Variants in PRAMEF17 observed in about 807,000 individuals in gnomAD.
PRAMEF17 encodes PRAME family member 17.
Under a neutral mutation model 36.8 loss-of-function variants are expected in PRAMEF17, and 48 were observed. The ratio of observed to expected loss-of-function variants is 1.30; its 90% CI spans 1.03 to 1.66. The LOEUF is 1.66. Among genes scored for constraint, PRAMEF17 ranks in the 40% most tolerant of loss-of-function variants. PRAMEF17 has a pLI of 0.00. For synonymous variants in PRAMEF17, 246 were observed against 220.4 expected (o/e 1.12, Z -1.03); for missense variants, 639 against 560.6 (o/e 1.14, Z -1.41).
chr1:13,389,693 G>A lies in PRAMEF17; in HGVS notation c.36G>A (p.Leu12=). The change falls in exon 1 of 3, where the codon CTG becomes CTA. Residue 12 remains leucine (L), a synonymous_variant. Coordinates refer to ENST00000376098, the MANE Select transcript of PRAMEF17 (RefSeq NM_001099851.3). Reference sequence around the variant, plus strand: ...AGTCCCCATCCAGACTCCTGGAGCTGGCAGGCCAGAGCCTGCTGAGGAACC... The same window carrying A: ...AGTCCCCATCCAGACTCCTGGAGCTAGCAGGCCAGAGCCTGCTGAGGAACC... ...SLQSPSRLLE[L]AGQSLLRNQF... is the part of the protein sequence containing the mutation. The A allele has an allele frequency of 1.9e-6, 3 of 1,612,058 alleles. No individual in the cohort carries two copies. The highest frequency in any genetic ancestry group is 2.5e-6 in the Non-Finnish European group (3 of 1,179,876).
At chr1:13,390,275 G>A in intron 1 of PRAMEF17, 66 bp from the exon 2 acceptor site, 1 of 1,608,506 alleles carries the variant, frequency 6.2e-7, no homozygotes, top group Admixed American at 1.7e-5. Context: ...TGGATGTTGA[G>A]TGAAAGCTCA....
Position 13,390,664 on chromosome 1 carries a change from C to G in PRAMEF17, c.611C>G (p.Pro204Arg). ...SFRNLLKRVYPDSIQELEIKR... is the reference protein window; with the variant it reads ...SFRNLLKRVYRDSIQELEIKR... ...AGAAATTTATTGAAAAGGGTATACC[C>G]AGACAGTATCCAGGAGTTGGAAATT... Residue 204 changes from proline to arginine, a missense_variant, in exon 2 of 3, where the codon CCA becomes CGA. By Grantham distance (103) the Pro-to-Arg change is moderately radical. Coordinates refer to ENST00000376098, the MANE Select transcript of PRAMEF17 (RefSeq NM_001099851.3). 6.2e-7 allele frequency: 1 copy of G among 1,611,970 alleles called. No individual in the cohort carries two copies. Among genetic ancestry groups the G allele is most frequent in the South Asian group, 1.1e-5 (1 of 90,984 alleles).
At position 13,390,358 on chromosome 1, in the gene PRAMEF17, T is replaced by A. The variant is rs759508954; in HGVS notation, c.305T>A (p.Val102Glu). The change falls in exon 2 of 3, where the codon GTG becomes GAG. Residue 102 changes from valine to glutamate, a missense_variant. By Grantham distance (121) the Val-to-Glu change is moderately radical. Transcript: ENST00000376098. ...KLRPRRWKLQ[V>E]LDLRDVDGNF... ...ACTCACAGGAGGTGGAAACTTCAAG[T>A]GCTGGATTTGCGGGATGTTGATGGG... 1.2e-6 allele frequency: 2 copies of A among 1,611,938 alleles called. No individual in the cohort carries two copies. Among genetic ancestry groups the A allele is most frequent in the Non-Finnish European group, 1.7e-6 (2 of 1,179,842 alleles).
Position 13,390,928 on chromosome 1 carries a change from G to C in PRAMEF17, c.866+9G>C. ...CTGGAGCACCTGCTCAGGTAAGAAA[G>C]GATGGTGAGCTTTCTCTGCAGACCA... On this transcript the variant is annotated intron_variant, in intron 2 of 2. Transcript: ENST00000376098. The C allele has an allele frequency of 6.2e-7, 1 of 1,611,998 alleles. No homozygotes were observed. Among genetic ancestry groups the C allele is most frequent in the African/African-American group, 1.3e-5 (1 of 74,988 alleles).
In PRAMEF17 at chr1:13,392,335, G is replaced by A. The variant is rs1417280977; in HGVS notation, c.1258G>A (p.Asp420Asn). 1.4e-4 allele frequency: 219 copies of A among 1,611,820 alleles called. No homozygotes were observed. The highest frequency in any genetic ancestry group is 1.4e-4 in the Non-Finnish European group (168 of 1,179,854). ...GTATCCTGCCCCTCTGGAGTGTCTTGACAACAGGGGTCATGTCAATTGGGA... is the reference window on the plus strand; with the variant it reads ...GTATCCTGCCCCTCTGGAGTGTCTTAACAACAGGGGTCATGTCAATTGGGA... ...ELYPAPLECL[D>N]NRGHVNWEIL... Residue 420 changes from aspartate to asparagine, a missense_variant, in exon 3 of 3, where the codon GAC (aspartate) becomes AAC (asparagine). By Grantham distance (23) the Asp-to-Asn change is conservative. Transcript: ENST00000376098.
intron 1 of PRAMEF17, 104 bp downstream of exon 1, chr1:13,390,048 G>T: frequency 1.3e-6 from 2 of 1,548,492 alleles, no homozygotes. Context: ...TGGCTCAGAG[G>T]CTTCTGATGG....
chr1:13,390,157 G>A lies in PRAMEF17; in HGVS notation c.288-184G>A, dbSNP rs560255533. ...AAACAGGAACCTGCTTCCTCCCAGT[G>A]GAAGGTAAAGGTTCTAGAAGTGAGA... On this transcript the variant is annotated intron_variant, in intron 1 of 2. Coordinates refer to ENST00000376098, the MANE Select transcript of PRAMEF17 (RefSeq NM_001099851.3). 6.9e-4 allele frequency among the ~76,000 whole-genome samples: 105 copies of A among 152,030 alleles called. 1 individual carries two copies. The highest frequency in any genetic ancestry group is 2.4e-3 in the African/African-American group (99 of 41,332).
rs1254375616 is a variant in PRAMEF17, at chr1:13,392,514, T to C, written c.*12T>C. On this transcript the variant is annotated 3_prime_UTR_variant, in exon 3 of 3. Transcript: ENST00000376098. ...ATCTTTGCTCTTAGTGAAGGCCTGATTAGTGGGATGGATATGCTTTCTTCA... is the reference window on the plus strand; with the variant it reads ...ATCTTTGCTCTTAGTGAAGGCCTGACTAGTGGGATGGATATGCTTTCTTCA... 7 of 1,611,950 alleles carry C rather than the reference T, an allele frequency of 4.3e-6. No homozygotes were observed. Among genetic ancestry groups the C allele is most frequent in the East Asian group, 2.2e-5 (1 of 44,868 alleles).
In PRAMEF17 at chr1:13,392,340, C is replaced by T. The variant is rs1427794466; in HGVS notation, c.1263C>T (p.Asn421=). 2 of 1,611,990 alleles carry T rather than the reference C, an allele frequency of 1.2e-6. No individual in the cohort carries two copies. The highest frequency in any genetic ancestry group is 1.1e-5 in the South Asian group (1 of 90,986). The change falls in exon 3 of 3, where the codon AAC becomes AAT. Residue 421 remains asparagine, a synonymous_variant. Coordinates refer to ENST00000376098, the MANE Select transcript of PRAMEF17 (RefSeq NM_001099851.3). The stretch of plus-strand genomic sequence containing the variant: ...CTGCCCCTCTGGAGTGTCTTGACAA[C>T]AGGGGTCATGTCAATTGGGAGATCC... The part of the protein sequence containing the change: ...LYPAPLECLD[N]RGHVNWEILA...
Position 13,392,264 on chromosome 1 carries a change from A to G in PRAMEF17, c.1187A>G (p.Asp396Gly). ...GAGACCTCCACGAATGCTCTGAAAG[A>G]CCTGCTGTGTCACACAGGTGGGCTG... ...GNETSTNALK[D>G]LLCHTGGLSK... Residue 396 changes from aspartate to glycine, a missense_variant, in exon 3 of 3, where the codon GAC becomes GGC. Physicochemically the swap from Asp to Gly is moderately conservative, Grantham distance 94. Transcript: ENST00000376098. The G allele has an allele frequency of 6.2e-7, 1 of 1,611,962 alleles. No homozygotes were observed. Among genetic ancestry groups the G allele is most frequent in the South Asian group, 1.1e-5 (1 of 90,984 alleles).
chr1:13,392,404 G>A lies in PRAMEF17; in HGVS notation c.1327G>A (p.Glu443Lys). 5.0e-6 allele frequency: 8 copies of A among 1,611,942 alleles called. No homozygotes were observed. Among genetic ancestry groups the A allele is most frequent in the South Asian group, 2.2e-5 (2 of 90,964 alleles). ...GGCTGAGCTGATGTGTACACTCAGG[G>A]AAGTCAGGCAGCCCAAGAGGATCTT... is the stretch of plus-strand genomic sequence containing the variant. ...IRAELMCTLREVRQPKRIFFG... is the reference protein window; with the variant it reads ...IRAELMCTLRKVRQPKRIFFG... Residue 443 changes from glutamate (E) to lysine (K), a missense_variant, in exon 3 of 3, where the codon GAA becomes AAA. Transcript: ENST00000376098.
rs1640856437 is a variant in PRAMEF17 at position 13,389,881 on chromosome 1, T to G, written c.224T>G (p.Leu75Arg). The G allele has an allele frequency of 4.3e-6, 7 of 1,613,458 alleles. No individual in the cohort carries two copies. In the South Asian group the frequency reaches 7.7e-5, roughly 18 times the overall value. ...GGATCCCTGATGAAGACACCTCATC[T>G]GGAGACCTTGCAAGCTGTGCTGAAG... is the stretch of plus-strand genomic sequence containing the variant. The part of the protein sequence containing the change: ...PLGSLMKTPH[L>R]ETLQAVLKGL... The change falls in exon 1 of 3, where the codon CTG (leucine) becomes CGG (arginine). Residue 75 changes from leucine to arginine, a missense_variant. Transcript: ENST00000376098.
rs1353543058 is a variant in PRAMEF17, at chr1:13,390,251, G to A, written c.288-90G>A. ...AGGAGGAGCACTGAGGACAGGAGCA[G>A]CTGACTGATGTCCTGGATGTTGAGT... On this transcript the variant is annotated intron_variant, in intron 1 of 2. Transcript: ENST00000376098. 9.5e-6 allele frequency: 15 copies of A among 1,583,248 alleles called. No individual in the cohort carries two copies. In the African/African-American group the frequency reaches 1.7e-4, roughly 18 times the overall value.
At chr1:13,391,716 T>G (rs1323514401) in intron 2 of PRAMEF17, among the ~76,000 whole-genome samples, 13 of 152,256 alleles carry the variant, frequency 8.5e-5, no homozygotes, top group African/African-American at 3.1e-4. Flanking sequence ...CCCTGAATGA[T>G]CTGGGTCTTC....
intron 1 of PRAMEF17, 31 bp from the exon 2 acceptor site, chr1:13,390,310 A>C (rs1410054571): frequency 7.4e-6 from 12 of 1,611,882 alleles, no homozygotes; most frequent in African/African-American, 1.3e-5. Context: ...CTTTGCCTAC[A>C]TTCTGAGCTT....
At chr1:13,390,227 G>A (rs907100745) in intron 1 of PRAMEF17, 114 bp from the exon 2 acceptor site, 156,007 of 1,513,724 alleles carry the variant, frequency 0.1, 8,073 homozygotes, top group East Asian at 0.18. Flanking sequence ...AGAGACAGAA[G>A]GAGGAGCACT....
intron 2 of PRAMEF17, among the ~76,000 whole-genome samples, 167 bp from the exon 3 acceptor site, chr1:13,391,777 T>G (rs1315382929): frequency 6.6e-6 from 1 of 152,072 alleles, no homozygotes; most frequent in Non-Finnish European, 1.5e-5. Context: ...GGAACAAACT[T>G]GTGTTTGAGT....
Position 13,390,635 on chromosome 1 carries a change from T to C in PRAMEF17, c.582T>C (p.Ser194=). The C allele has an allele frequency of 8.7e-6, 14 of 1,611,956 alleles. No individual in the cohort carries two copies. The highest frequency in any genetic ancestry group is 1.1e-5 in the Non-Finnish European group (13 of 1,179,854). The stretch of plus-strand genomic sequence containing the variant: ...AGAATTACTCAATGCCCACTTCAAG[T>C]TTCAGAAATTTATTGAAAAGGGTAT... ...KVQNYSMPTS[S]FRNLLKRVYP... Residue 194 remains serine, a synonymous_variant, in exon 2 of 3, where the codon AGT becomes AGC. Coordinates refer to ENST00000376098, the MANE Select transcript of PRAMEF17 (RefSeq NM_001099851.3).
chr1:13,392,131 G>A lies in PRAMEF17; in HGVS notation c.1054G>A (p.Glu352Lys), dbSNP rs529805702. ...GCTAGAGAAAGTTGCTGCTACTCTC[G>A]AGATCCTCACGTTAAAGGACTGTCA... is the stretch of plus-strand genomic sequence containing the variant. ...ALLEKVAATL[E>K]ILTLKDCQIQ... Residue 352 changes from glutamate (E) to lysine (K), a missense_variant, in exon 3 of 3, where the codon GAG becomes AAG. Physicochemically the swap from Glu to Lys is moderately conservative, Grantham distance 56 (BLOSUM62 1). Transcript: ENST00000376098. 37 of 1,611,868 alleles carry A rather than the reference G, an allele frequency of 2.3e-5. 1 individual carries two copies. The highest frequency in any genetic ancestry group is 2.3e-4 in the Middle Eastern group (1 of 4,432).
Sources: allele counts gnomAD v4.1 joint callset (sites outside exome capture counted in the v4.1 genomes callset), GRCh38; gene constraint gnomAD v4.1.1; transcripts MANE v1.5; gene names NCBI Gene and HGNC (gene_info 2026-07-23, HGNC 2026-07-21).